ZNF536: variants seen among roughly 807,000 people sequenced by gnomAD.
ZNF536 encodes zinc finger protein 536.
ZNF536 carries 13 observed loss-of-function variants against 84.5 expected under a neutral mutation model. That is an observed-to-expected ratio of 0.15 (90% CI 0.10 to 0.24). The LOEUF (loss-of-function observed/expected upper bound fraction) is 0.24, where lower values mean the gene tolerates loss of function less well. ZNF536 is among the 10% of genes least tolerant of loss of function. The pLI, the probability that ZNF536 is intolerant of heterozygous loss-of-function variation, is 1.00. For missense variants in ZNF536, 1,536 were observed against 1,747.5 expected, an observed-to-expected ratio of 0.88 and a Z score of 2.16; for synonymous variants, 811 against 742.5, an observed-to-expected ratio of 1.09 and a Z score of -1.50.
At chr19:30,270,750 GTTTTT>G (rs34762536) in intron 1 of ZNF536, among the ~76,000 whole-genome samples, 1 of 141,628 alleles carries the variant, frequency 7.1e-6, no homozygotes, top group South Asian at 2.3e-4. Context: ...AAAAATGCAG[GTTTTT>G]TTTTTTTTTT....
intron 1 of ZNF536, among the ~76,000 whole-genome samples, chr19:30,666,834 A>G (rs537164869): frequency 2.0e-3 from 269 of 134,020 alleles, no homozygotes; most frequent in South Asian, 7.9e-3. Flanking sequence ...GTGTGTGTGT[A>G]TATATATATA....
chr19:30,246,133 A>G (rs2024259380), intron 1 of ZNF536, among the ~76,000 whole-genome samples: 1 of 152,152 alleles, frequency 6.6e-6, no homozygotes, highest in Middle Eastern at 3.2e-3. Flanking sequence ...GGCTTCAACG[A>G]GACACTCGAA....
chr19:30,547,059 A>T (rs1271207739), intron 3 of ZNF536, among the ~76,000 whole-genome samples: 1 of 152,194 alleles, frequency 6.6e-6, no homozygotes, highest in Non-Finnish European at 1.5e-5. Context: ...AGCTATTTTT[A>T]TTCTCTAGAA....
intron 1 of ZNF536, among the ~76,000 whole-genome samples, chr19:30,257,126 G>A (rs897347635): frequency 6.6e-6 from 1 of 152,168 alleles, no homozygotes. Flanking sequence ...GCACCCATCT[G>A]CTCCTTGAGA....
intron 1 of ZNF536, among the ~76,000 whole-genome samples, chr19:30,384,876 A>G (rs2049273138): frequency 6.6e-6 from 1 of 152,084 alleles, no homozygotes; most frequent in Admixed American, 6.5e-5. Flanking sequence ...AAATAAAATA[A>G]TTAGCCAGGC....
chr19:30,361,806 T>G (rs2048283754), intron 3 of ZNF536, among the ~76,000 whole-genome samples: 1 of 85,944 alleles, frequency 1.2e-5, no homozygotes, highest in Non-Finnish European at 2.1e-5. Flanking sequence ...AAGGCAGGCG[T>G]CCTCCAGGGT....
At chr19:30,281,991 T>C (rs1357009688) in intron 1 of ZNF536, among the ~76,000 whole-genome samples, 1 of 152,152 alleles carries the variant, frequency 6.6e-6, no homozygotes, top group African/African-American at 2.4e-5. Context: ...AGTCACTTAC[T>C]TGCACCAAAA....
upstream of ZNF536, among the ~76,000 whole-genome samples, chr19:30,371,819 CAT>C (rs998868919): frequency 1.1e-4 from 16 of 150,082 alleles, no homozygotes; most frequent in Non-Finnish European, 1.5e-4. Flanking sequence ...TATATATATG[CAT>C]ATATATGTGT....
At chr19:30,321,786 T>C (rs2046867324) in intron 2 of ZNF536, among the ~76,000 whole-genome samples, 1 of 150,990 alleles carries the variant, frequency 6.6e-6, no homozygotes, top group Non-Finnish European at 1.5e-5. Context: ...TCTTTCTTTT[T>C]TTTTTTTCTG....
At chr19:30,317,464 C>T (rs770237498) in intron 2 of ZNF536, among the ~76,000 whole-genome samples, 1 of 152,216 alleles carries the variant, frequency 6.6e-6, no homozygotes, top group Non-Finnish European at 1.5e-5. Flanking sequence ...ACACCTGTTC[C>T]CAGATGTGGA....
chr19:30,563,011 G>T (rs150722354), downstream of ZNF536, among the ~76,000 whole-genome samples: 4 of 152,180 alleles, frequency 2.6e-5, no homozygotes, highest in Non-Finnish European at 5.9e-5. Flanking sequence ...TGAGGCACTC[G>T]TGTATCCCTT....
At chr19:30,384,580 G>A (rs752270262) in intron 1 of ZNF536, among the ~76,000 whole-genome samples, 2 of 151,834 alleles carry the variant, frequency 1.3e-5, no homozygotes, top group South Asian at 2.1e-4. Flanking sequence ...TTCAGGCATC[G>A]ATGTGGGTCT....
chr19:30,277,876 C>G (rs768577523), intron 1 of ZNF536, among the ~76,000 whole-genome samples: 1 of 152,218 alleles, frequency 6.6e-6, no homozygotes, highest in African/African-American at 2.4e-5. Context: ...AGAGGGTGAC[C>G]ATTTCTCCGT....
At chr19:30,593,185 C>G (rs1265745036) in intron 1 of ZNF536, among the ~76,000 whole-genome samples, 1 of 152,160 alleles carries the variant, frequency 6.6e-6, no homozygotes, top group African/African-American at 2.4e-5. Context: ...CTGCTCTCTT[C>G]CATCTCGCAG....
intron 2 of ZNF536, among the ~76,000 whole-genome samples, chr19:30,483,699 A>G (rs938383543): frequency 3.3e-5 from 5 of 152,108 alleles, no homozygotes; most frequent in African/African-American, 1.2e-4. Context: ...GCTTGCTCCA[A>G]ACCCTTTCCC....
At chr19:30,385,508 T>G (rs1247879355) in intron 1 of ZNF536, among the ~76,000 whole-genome samples, 1 of 151,144 alleles carries the variant, frequency 6.6e-6, no homozygotes, top group Non-Finnish European at 1.5e-5. Context: ...CTTGTCCTCA[T>G]TGCTCTTCCC....
chr19:30,282,002 G>T (rs996345163), intron 1 of ZNF536, among the ~76,000 whole-genome samples: 2 of 152,190 alleles, frequency 1.3e-5, no homozygotes, highest in Admixed American at 6.5e-5. Context: ...TGCACCAAAA[G>T]AGCTGTTTCT....
intron 1 of ZNF536, among the ~76,000 whole-genome samples, chr19:30,276,124 G>C (rs192155996): frequency 9.2e-5 from 14 of 152,250 alleles, no homozygotes; most frequent in Admixed American, 9.2e-4. Context: ...GAGCCGACTG[G>C]AGCTCTTGGT....
chr19:30,632,989 C>T (rs1200432891), intron 1 of ZNF536, among the ~76,000 whole-genome samples: 1 of 152,176 alleles, frequency 6.6e-6, no homozygotes, highest in African/African-American at 2.4e-5. Context: ...CCATGACATG[C>T]CTGCTTGTGA....
Sources: gnomAD v4.1 joint callset for allele counts (sites outside exome capture counted in the v4.1 genomes callset) on GRCh38, gnomAD v4.1.1 for gene constraint, MANE v1.5 for transcripts, NCBI Gene and HGNC (gene_info 2026-07-23, HGNC 2026-07-21) for gene names.